COL28A1: variants seen among roughly 807,000 people sequenced by gnomAD.
COL28A1 encodes the protein collagen type XXVIII alpha 1 chain.
In COL28A1, 161 loss-of-function variants were observed where a neutral mutation model predicts 150.2. The ratio of observed to expected loss-of-function variants is 1.07; its 90% CI spans 0.94 to 1.22. The LOEUF (loss-of-function observed/expected upper bound fraction) is 1.22, where lower values mean the gene tolerates loss of function less well. COL28A1 is among the 50% of genes most tolerant of loss of function. The pLI, the probability that COL28A1 is intolerant of heterozygous loss-of-function variation, is 0.00. For missense variants in COL28A1, 1,617 were observed against 1,388.3 expected (o/e 1.16, Z -2.62); for synonymous variants, 552 against 469.7 (o/e 1.18, Z -2.26).
At chr7:7,345,007 T>TAC in the COL28A1 span, among the ~76,000 whole-genome samples, 37 of 149,554 alleles carry the variant, frequency 2.5e-4, no homozygotes, top group East Asian at 1.4e-3. Flanking sequence ...GAAATACACA[T>TAC]ACACACACAC....
intron 33 of COL28A1, among the ~76,000 whole-genome samples, chr7:7,363,194 G>A (rs1463181467): frequency 6.6e-6 from 1 of 152,156 alleles, no homozygotes; most frequent in Non-Finnish European, 1.5e-5. Context: ...TAGAAGGTGA[G>A]ACTGTTCCAT....
chr7:7,528,492 T>C (rs1396927011), intron 3 of COL28A1, among the ~76,000 whole-genome samples: 2 of 152,226 alleles, frequency 1.3e-5, no homozygotes, highest in Non-Finnish European at 2.9e-5. Context: ...GTTTTGTCTT[T>C]GCTCCTGAAG....
intron 11 of COL28A1, among the ~76,000 whole-genome samples, chr7:7,504,366 T>C (rs1325802701): frequency 2.0e-5 from 3 of 151,854 alleles, no homozygotes; most frequent in African/African-American, 4.8e-5. Context: ...CCAGGCACAG[T>C]GGTATGTGCC....
rs137951741 is a variant in COL28A1, at chr7:7,361,296, C to CT, written c.3067-769dup. Among the ~76,000 whole-genome samples the CT allele has an allele frequency of 1.8e-3, 270 of 151,832 alleles. 1 individual carries two copies. The highest frequency in any genetic ancestry group is 6.1e-3 in the African/African-American group (253 of 41,380). ...ATAACGAAACAAGAAAGGCATTTTA[C>CT]TTTTTTTTTAAAAATAGTGCCTTTA... On this transcript the variant is annotated intron_variant, in intron 33 of 34. Coordinates refer to ENST00000399429, the MANE Select transcript of COL28A1 (RefSeq NM_001037763.3).
rs144526730 is a variant in COL28A1, at chr7:7,416,341, G to A, written c.2136+1518C>T. Among the ~76,000 whole-genome samples the A allele has an allele frequency of 5.0e-4, 76 of 152,254 alleles. No individual in the cohort carries two copies. The East Asian group carries it at 6.4e-3, about 13-fold the overall frequency. ...GCAGGAAGCCAGATAAGTTATAGTCGGTAAGGATTAATTAAACACAACCCA... is the reference window on the plus strand; with the variant it reads ...GCAGGAAGCCAGATAAGTTATAGTCAGTAAGGATTAATTAAACACAACCCA... On this transcript the variant is annotated intron_variant, in intron 27 of 34. Coordinates refer to ENST00000399429, the MANE Select transcript of COL28A1 (RefSeq NM_001037763.3).
At chr7:7,392,199 T>C (rs1294646) in intron 27 of COL28A1, among the ~76,000 whole-genome samples, 98,919 of 151,990 alleles carry the variant, frequency 0.65, 32,449 homozygotes, top group South Asian at 0.69. Flanking sequence ...TCAGCATTTG[T>C]TTGTCTGTAA....
intron 20 of COL28A1, 113 bp downstream of exon 20, chr7:7,443,472 C>T: frequency 6.8e-7 from 1 of 1,471,596 alleles, no homozygotes; most frequent in Non-Finnish European, 9.1e-7. Flanking sequence ...ACTTTTAAGC[C>T]AGACATAAAC....
intron 15 of COL28A1, among the ~76,000 whole-genome samples, chr7:7,465,590 G>C (rs923056386): frequency 7.4e-5 from 10 of 135,700 alleles, no homozygotes; most frequent in African/African-American, 2.8e-4. Flanking sequence ...GCTCGAACTG[G>C]GTGGAGCCCA....
rs546962988 is a variant in COL28A1, at chr7:7,517,428, C to T, written c.855+368G>A. ...TATTATGTCTGCAGAATTGGATTAA[C>T]AAAAGCATAGTTTAGACCATGTAGT... On this transcript the variant is annotated intron_variant, in intron 7 of 34. Coordinates refer to ENST00000399429, the MANE Select transcript of COL28A1 (RefSeq NM_001037763.3). 3.3e-5 allele frequency among the ~76,000 whole-genome samples: 5 copies of T among 152,248 alleles called. No individual in the cohort carries two copies. In the East Asian group the frequency reaches 7.7e-4, roughly 23 times the overall value.
Position 7,531,275 on chromosome 7 carries a change from C to T in COL28A1, c.681+73G>A. The T allele has an allele frequency of 6.1e-6, 4 of 657,292 alleles. No individual in the cohort carries two copies. In the South Asian group the frequency reaches 6.7e-5, roughly 11 times the overall value. The allele number at this position is 657,292 out of a possible 1,614,324, so 40.7% of individuals were successfully genotyped here. A position where few individuals can be genotyped will look rare whatever the true frequency, so the allele number is the denominator to read the frequency against. On this transcript the variant is annotated intron_variant, in intron 3 of 34. Coordinates refer to ENST00000399429, the MANE Select transcript of COL28A1 (RefSeq NM_001037763.3). ...TCTCCATCTTTTTGACCCAGTATCTCTTCTTATGGGATTTACAACAAATAT... is the reference window on the plus strand; with the variant it reads ...TCTCCATCTTTTTGACCCAGTATCTTTTCTTATGGGATTTACAACAAATAT...
Position 7,531,902 on chromosome 7 carries a change from A to T in COL28A1, c.127T>A (p.Ser43Thr), listed in dbSNP as rs1782386729. 1 of 1,585,826 alleles carries T rather than the reference A, an allele frequency of 6.3e-7. No individual in the cohort carries two copies. The highest frequency in any genetic ancestry group is 8.6e-7 in the Non-Finnish European group (1 of 1,158,072). Residue 43 changes from serine to threonine, a missense_variant and splice_region_variant, in exon 3 of 35, where the codon TCC becomes ACC. Transcript: ENST00000399429. ...AAGACAATATCTATGAAACAAATGG[A>T]GCCTGAAACAGAATAAACAGGTTAG... is the stretch of plus-strand genomic sequence containing the variant. ...LLARKSDVQG[S>T]ICFIDIVFIV...
At chr7:7,441,968 T>C (rs1785829734) in intron 20 of COL28A1, among the ~76,000 whole-genome samples, 2 of 152,148 alleles carry the variant, frequency 1.3e-5, no homozygotes, top group Admixed American at 6.6e-5. Flanking sequence ...ACCACAACTC[T>C]TTATTTTCTT....
intron 3 of COL28A1, among the ~76,000 whole-genome samples, chr7:7,530,578 C>T (rs1256318845): frequency 1.3e-5 from 2 of 152,164 alleles, no homozygotes; most frequent in African/African-American, 2.4e-5. Flanking sequence ...ACCAATTTAT[C>T]TCTAGGCGTT....
At chr7:7,534,477 G>C (rs1224363939) in intron 1 of COL28A1, among the ~76,000 whole-genome samples, 1 of 152,138 alleles carries the variant, frequency 6.6e-6, no homozygotes, top group East Asian at 1.9e-4. Flanking sequence ...AAAGGGGAAA[G>C]GGAATAACAC....
At chr7:7,447,132 A>C (rs1182929771) in intron 18 of COL28A1, among the ~76,000 whole-genome samples, 1 of 152,182 alleles carries the variant, frequency 6.6e-6, no homozygotes, top group Non-Finnish European at 1.5e-5. Context: ...CCCTAGACTA[A>C]ATGTTGCTGT....
chr7:7,474,781 T>C (rs937341256), intron 14 of COL28A1, 112 bp from the exon 15 acceptor site: 8 of 674,646 alleles, frequency 1.2e-5, no homozygotes, highest in African/African-American at 7.3e-5. Context: ...AAATAAAGCA[T>C]CCAAAGTCAC....
intron 21 of COL28A1, 25 bp downstream of exon 21, chr7:7,440,764 CG>C (rs756135847): frequency 4.9e-6 from 5 of 1,030,082 alleles, no homozygotes; most frequent in Admixed American, 1.9e-5. Flanking sequence ...CTCCTCAAAG[CG>C]TAAGTCAGAA....
rs182553237 is a variant in COL28A1 at position 7,387,280 on chromosome 7, C to G, written c.2137-5668G>C. Among the ~76,000 whole-genome samples the G allele has an allele frequency of 7.3e-4, 111 of 152,134 alleles. 1 individual carries two copies. In the Middle Eastern group the frequency reaches 0.014, roughly 19 times the overall value. On this transcript the variant is annotated intron_variant, in intron 27 of 34. Coordinates refer to ENST00000399429, the MANE Select transcript of COL28A1 (RefSeq NM_001037763.3). ...ACGCCCAGACCATTAGATGCCTCCT[C>G]GTACGGGTTTGCTGGAACACATAAA... is the stretch of plus-strand genomic sequence containing the variant.
At chr7:7,356,881 T>C (rs1780375939), downstream of COL28A1, 1 of 152,172 alleles carries the variant, frequency 6.6e-6, no homozygotes, top group Non-Finnish European at 1.5e-5. Flanking sequence ...TTATCTTTTG[T>C]AGTATCAAAT....
Sources: gnomAD v4.1 joint callset for allele counts (sites outside exome capture counted in the v4.1 genomes callset) on GRCh38, gnomAD v4.1.1 for gene constraint, MANE v1.5 for transcripts, NCBI Gene and HGNC (gene_info 2026-07-23, HGNC 2026-07-21) for gene names.